The following ERI1 variants were observed in gnomAD, a reference collection of about 807,000 sequenced individuals.
The protein encoded by ERI1 is 3'-5' exoribonuclease 1.
A neutral mutation model predicts 39.7 loss-of-function variants in ERI1; 39 were observed. That is an observed-to-expected ratio of 0.98 (90% confidence interval 0.76 to 1.28). The LOEUF (loss-of-function observed/expected upper bound fraction) is 1.28. ERI1 is among the 50% of genes most tolerant of loss of function. The probability of loss-of-function intolerance (pLI) is 0.00; values close to 1 mark genes in which losing one functional copy is unlikely to be tolerated. For missense variants in ERI1, 581 were observed against 416.9 expected, an observed-to-expected ratio of 1.39 and a Z score of -3.43; for synonymous variants, 204 against 149.6, an observed-to-expected ratio of 1.36 and a Z score of -2.65.
intron 3 of ERI1, among the ~76,000 whole-genome samples, chr8:9,072,772 C>T (rs149901749): frequency 1.3e-5 from 2 of 152,252 alleles, no homozygotes; most frequent in Non-Finnish European, 2.9e-5. Flanking sequence ...AGAGTGACCC[C>T]CCACCCCACT....
chr8:9,034,404 G>A (rs112997028), downstream of ERI1, among the ~76,000 whole-genome samples: 2 of 152,180 alleles, frequency 1.3e-5, no homozygotes, highest in East Asian at 1.9e-4. Flanking sequence ...CCTGTGTGGA[G>A]AAAGTCTATT....
At chr8:9,003,630 C>T (rs1035223764) in intron 1 of ERI1, among the ~76,000 whole-genome samples, 5 of 152,194 alleles carry the variant, frequency 3.3e-5, no homozygotes, top group African/African-American at 1.2e-4. Context: ...TTAAGTGGAG[C>T]TTCGTCTTAG....
intron 6 of ERI1, 79 bp downstream of exon 6, chr8:9,020,543 T>A: frequency 1.2e-6 from 1 of 857,928 alleles, no homozygotes; most frequent in Non-Finnish European, 1.8e-6. Flanking sequence ...AGATTGTAAT[T>A]TTCCAGGTGT....
At chr8:9,079,086 C>A (rs533031790) in intron 3 of ERI1, among the ~76,000 whole-genome samples, 2 of 152,158 alleles carry the variant, frequency 1.3e-5, no homozygotes, top group South Asian at 4.2e-4. Flanking sequence ...AAGGAAAATT[C>A]TTTATGGGTG....
chr8:9,072,188 T>C (rs1799073012), intron 3 of ERI1, among the ~76,000 whole-genome samples: 1 of 152,182 alleles, frequency 6.6e-6, no homozygotes, highest in Non-Finnish European at 1.5e-5. Context: ...AGCTTTCCTT[T>C]TGGGTGATCA....
intron 3 of ERI1, among the ~76,000 whole-genome samples, chr8:9,093,185 T>G (rs1008320456): frequency 6.6e-6 from 1 of 152,156 alleles, no homozygotes; most frequent in South Asian, 2.1e-4. Context: ...TGGGCCACAT[T>G]GGAAGAAGAA....
At chr8:9,054,270 C>A (rs774482022) in intron 3 of ERI1, among the ~76,000 whole-genome samples, 1 of 152,196 alleles carries the variant, frequency 6.6e-6, no homozygotes, top group African/African-American at 2.4e-5. Context: ...GCAAAATTAT[C>A]CCCATCAAAA....
intron 3 of ERI1, chr8:9,088,716 C>A (rs1250520903): frequency 3.3e-5 from 5 of 152,234 alleles, no homozygotes; most frequent in Admixed American, 3.3e-4. Context: ...AAGCAGCACA[C>A]TTCCTTTTCA....
At chr8:9,052,824 A>G (rs991982784) in intron 3 of ERI1, among the ~76,000 whole-genome samples, 4 of 152,160 alleles carry the variant, frequency 2.6e-5, no homozygotes, top group Non-Finnish European at 5.9e-5. Context: ...GATCATAACT[A>G]AGTTTATGCT....
intron 1 of ERI1, among the ~76,000 whole-genome samples, chr8:9,003,748 C>T (rs925881529): frequency 8.5e-5 from 13 of 152,190 alleles, no homozygotes; most frequent in African/African-American, 2.7e-4. Flanking sequence ...AGTTGTAGAA[C>T]AGTCTTAAAA....
At chr8:9,006,782 G>A (rs369614919) in intron 1 of ERI1, among the ~76,000 whole-genome samples, 26 of 152,162 alleles carry the variant, frequency 1.7e-4, no homozygotes, top group Middle Eastern at 3.4e-3. Flanking sequence ...AAAGGAAATG[G>A]GTGAGTCACT....
chr8:9,018,287 A>G lies in ERI1; in HGVS notation c.583-10A>G. ...CCTGATTTTTGTATATTTTACTTTT[A>G]TATCCTCAGGATCAGGTAGACAGAG... On this transcript the variant is annotated splice_polypyrimidine_tract_variant and intron_variant, in intron 4 of 6. Coordinates refer to ENST00000250263, the MANE Select transcript of ERI1 (RefSeq NM_153332.4). 6.4e-7 allele frequency: 1 copy of G among 1,557,698 alleles called. No individual in the cohort carries two copies. Among genetic ancestry groups the G allele is most frequent in the Non-Finnish European group, 8.8e-7 (1 of 1,134,954 alleles).
Position 9,092,618 on chromosome 8 carries a change from C to T in ERI1, n.300-23730C>T, listed in dbSNP as rs186598241. Among the ~76,000 whole-genome samples the T allele has an allele frequency of 8.5e-5, 13 of 152,298 alleles. 1 individual carries two copies. The highest frequency in any genetic ancestry group is 3.3e-4 in the Admixed American group (5 of 15,292). ...CATATCAACCTCTTCGGATGCATGACGGCTGTGAGCTGAGAGCGCTGAGAG... is the reference window on the plus strand; with the variant it reads ...CATATCAACCTCTTCGGATGCATGATGGCTGTGAGCTGAGAGCGCTGAGAG... On this transcript the variant is annotated intron_variant and non_coding_transcript_variant, in intron 3 of 3. Coordinates refer to the ERI1 transcript ENST00000518663.
At chr8:9,081,810 G>T (rs554778417) in intron 3 of ERI1, among the ~76,000 whole-genome samples, 1 of 151,968 alleles carries the variant, frequency 6.6e-6, no homozygotes, top group Non-Finnish European at 1.5e-5. Flanking sequence ...AAAGGGAGGG[G>T]TGCTCCAAAG....
At chr8:9,012,590 C>A (rs1305801676) in intron 3 of ERI1, among the ~76,000 whole-genome samples, 1 of 152,144 alleles carries the variant, frequency 6.6e-6, no homozygotes, top group Admixed American at 6.5e-5. Context: ...GATTGAAGGT[C>A]AGTAAATTAG....
chr8:9,049,336 C>CAAAAAAAAAAAAAAAAAAAAAAA (rs3989371), intron 3 of ERI1, among the ~76,000 whole-genome samples: 15 of 33,242 alleles, frequency 4.5e-4, no homozygotes, highest in Non-Finnish European at 5.8e-4. Flanking sequence ...ACTCCGTCTC[C>CAAAAAAAAAAAAAAAAAAAAAAA]AAAAAAAAAA....
chr8:9,045,357 T>C (rs567989457), intron 3 of ERI1, among the ~76,000 whole-genome samples: 3 of 152,186 alleles, frequency 2.0e-5, no homozygotes, highest in Admixed American at 2.0e-4. Context: ...CCATCCCACT[T>C]ACGTATACTT....
chr8:9,020,212 C>A, intron 5 of ERI1, 138 bp from the exon 6 acceptor site: 1 of 486,758 alleles, frequency 2.1e-6, no homozygotes. Context: ...TTGTAGGAAG[C>A]AAGGTTAATT....
At chr8:9,033,763 C>G (rs557025388), downstream of ERI1, among the ~76,000 whole-genome samples, 3 of 152,240 alleles carry the variant, frequency 2.0e-5, no homozygotes, top group East Asian at 5.8e-4. Context: ...TTGAGCCTTG[C>G]TCTTTATCTC....
Sources: allele counts gnomAD v4.1 joint callset (sites outside exome capture counted in the v4.1 genomes callset), GRCh38; gene constraint gnomAD v4.1.1; transcripts MANE v1.5; gene names NCBI Gene and HGNC (gene_info 2026-07-23, HGNC 2026-07-21).